TMEM164: variants seen among roughly 807,000 people sequenced by gnomAD.
TMEM164 encodes transmembrane protein 164, also known as RP13-360B22.2.
A neutral mutation model predicts 18.8 loss-of-function variants in TMEM164; 4 were observed. The ratio of observed to expected loss-of-function variants is 0.21; its 90% CI spans 0.10 to 0.49. The LOEUF (loss-of-function observed/expected upper bound fraction) is 0.49. Ranked by LOEUF, TMEM164 falls within the 20% of genes least tolerant of loss-of-function variation. The pLI is 0.98. For missense variants in TMEM164, 108 were observed against 239.9 expected (o/e 0.45, Z 3.63); for synonymous variants, 86 against 101.7 (o/e 0.85, Z 0.93).
intron 3 of TMEM164, among the ~76,000 whole-genome samples, chrX:110,098,811 T>C (rs1002128749): frequency 3.7e-5 from 4 of 109,128 alleles, no homozygotes; most frequent in African/African-American, 1.3e-4. Flanking sequence ...CTTTTTTTTT[T>C]TTTGAGAGGG....
chrX:110,107,311 A>G (rs1180469952), intron 3 of TMEM164, among the ~76,000 whole-genome samples: 1 of 111,839 alleles, frequency 8.9e-6, no homozygotes, highest in African/African-American at 3.3e-5. Flanking sequence ...AGATCACCTC[A>G]CTTCTCTGAA....
intron 3 of TMEM164, among the ~76,000 whole-genome samples, chrX:110,102,895 T>A (rs750469844): frequency 8.9e-6 from 1 of 112,516 alleles, no homozygotes; most frequent in Admixed American, 9.5e-5. Flanking sequence ...AATTGTTAGC[T>A]TTTTGAGGGC....
downstream of TMEM164, among the ~76,000 whole-genome samples, chrX:110,180,270 C>A (rs1332292709): frequency 8.9e-6 from 1 of 112,616 alleles, no homozygotes; most frequent in Non-Finnish European, 1.9e-5. Flanking sequence ...GTCATCCACC[C>A]CGCTGAGGGG....
intron 4 of TMEM164, among the ~76,000 whole-genome samples, chrX:110,114,602 A>C (rs1389085443): frequency 1.8e-5 from 2 of 111,925 alleles, no homozygotes; most frequent in African/African-American, 3.3e-5. Flanking sequence ...GAAATGAGAC[A>C]CTGGGCCCAT....
intron 2 of TMEM164, among the ~76,000 whole-genome samples, chrX:110,027,942 T>C (rs1178884451): frequency 9.0e-6 from 1 of 111,621 alleles, no homozygotes; most frequent in African/African-American, 3.2e-5. Flanking sequence ...AAAGTTTGCA[T>C]GAGATCAGAG....
intron 4 of TMEM164, 61 bp from the exon 5 acceptor site, chrX:110,144,736 TG>T (rs1334856684): frequency 2.0e-6 from 2 of 1,003,397 alleles, no homozygotes; most frequent in Admixed American, 4.6e-5. Context: ...AGGTCAACTT[TG>T]GACTCTGTTG....
chrX:110,092,018 T>C (rs2065937849), intron 3 of TMEM164, among the ~76,000 whole-genome samples: 1 of 111,920 alleles, frequency 8.9e-6, no homozygotes, highest in Admixed American at 9.5e-5. Context: ...CAGATGGTTG[T>C]AGATGTGTGG....
At chrX:110,088,035 T>C (rs1253879507) in intron 3 of TMEM164, among the ~76,000 whole-genome samples, 6 of 112,110 alleles carry the variant, frequency 5.4e-5, no homozygotes, top group Non-Finnish European at 1.1e-4. Flanking sequence ...GATATCCTGT[T>C]GGCCTTTGGG....
chrX:110,030,592 G>A (rs941797958), intron 2 of TMEM164, among the ~76,000 whole-genome samples: 1 of 107,958 alleles, frequency 9.3e-6, no homozygotes, highest in East Asian at 2.9e-4. Context: ...GCCGAGGCGG[G>A]CAGATCACAG....
intron 2 of TMEM164, among the ~76,000 whole-genome samples, chrX:110,026,708 A>C (rs1934210444): frequency 8.9e-6 from 1 of 112,104 alleles, no homozygotes; most frequent in African/African-American, 3.2e-5. Context: ...GCCTACAGTC[A>C]CACAGCTAGT....
intron 3 of TMEM164, among the ~76,000 whole-genome samples, chrX:110,082,476 A>G (rs764579472): frequency 2.7e-5 from 3 of 111,957 alleles, no homozygotes; most frequent in Non-Finnish European, 5.6e-5. Context: ...CATCCAAGCC[A>G]CAGAATTCTT....
chrX:110,002,661 G>C (rs1300753540), upstream of TMEM164: 1 of 110,518 alleles, frequency 9.0e-6, no homozygotes, highest in Non-Finnish European at 1.9e-5. Flanking sequence ...GAGGAAGACG[G>C]GGAGGAGGAG....
At chrX:110,038,877 T>A (rs1052376216) in intron 2 of TMEM164, among the ~76,000 whole-genome samples, 5 of 110,377 alleles carry the variant, frequency 4.5e-5, no homozygotes, top group Admixed American at 9.6e-5. Flanking sequence ...GAATTTTTTT[T>A]AAAAAACTAC....
chrX:110,016,636 A>G (rs928724370), intron 2 of TMEM164, among the ~76,000 whole-genome samples: 5 of 110,630 alleles, frequency 4.5e-5, no homozygotes, highest in African/African-American at 1.7e-4. Context: ...AGCCTTCCAG[A>G]AAGGTTGTTT....
downstream of TMEM164, among the ~76,000 whole-genome samples, chrX:110,181,081 C>T (rs1247723238): frequency 1.8e-5 from 2 of 111,093 alleles, no homozygotes; most frequent in East Asian, 2.8e-4. Context: ...AGTGGACTGT[C>T]GATTTTGTTG....
At chrX:110,068,225 TTAGG>T (rs1316444062) in intron 3 of TMEM164, among the ~76,000 whole-genome samples, 4 of 112,109 alleles carry the variant, frequency 3.6e-5, no homozygotes, top group Non-Finnish European at 7.5e-5. Context: ...CATTAAAGTG[TTAGG>T]TAGGGGAAAA....
intron 5 of TMEM164, among the ~76,000 whole-genome samples, chrX:110,170,045 G>A (rs747504256): frequency 8.9e-6 from 1 of 111,857 alleles, no homozygotes. Context: ...CCAGCCCTGC[G>A]AACCTCTGAG....
intron 2 of TMEM164, chrX:110,020,744 A>G: frequency 1.1e-5 from 8 of 714,869 alleles, no homozygotes; most frequent in Non-Finnish European, 1.3e-5. Flanking sequence ...TACAAATGTT[A>G]ATGTGTGAAG....
intron 2 of TMEM164, among the ~76,000 whole-genome samples, chrX:110,039,079 G>A (rs1934978914): frequency 9.0e-6 from 1 of 111,729 alleles, no homozygotes; most frequent in African/African-American, 3.3e-5. Context: ...TTGAACCTCA[G>A]TTTACTTGTC....
Sources: gnomAD v4.1 joint callset for allele counts (sites outside exome capture counted in the v4.1 genomes callset) on GRCh38, gnomAD v4.1.1 for gene constraint, MANE v1.5 for transcripts, NCBI Gene and HGNC (gene_info 2026-07-23, HGNC 2026-07-21) for gene names.